DNAH11: variants seen among roughly 807,000 people sequenced by gnomAD.
DNAH11 encodes the protein dynein axonemal heavy chain 11.
DNAH11 carries 442 observed loss-of-function variants against 526.0 expected under a neutral mutation model. The ratio of observed to expected loss-of-function variants is 0.84; its 90% CI spans 0.78 to 0.91. The LOEUF (loss-of-function observed/expected upper bound fraction) is 0.91, where lower values mean the gene tolerates loss of function less well. Among genes scored for constraint, DNAH11 ranks in the 40% least tolerant of loss-of-function variants. The probability of loss-of-function intolerance (pLI) is 0.00; values close to 1 mark genes in which losing one functional copy is unlikely to be tolerated. For synonymous variants in DNAH11, 2,461 were observed against 1,935.9 expected (o/e 1.27, Z -7.12); for missense variants, 6,989 against 5,448.7 (o/e 1.28, Z -8.90).
At position 21,630,560 on chromosome 7, in the gene DNAH11, A is replaced by G. The variant is rs151193977; in HGVS notation, c.4501-5311A>G. Among the ~76,000 whole-genome samples, 1,243 of 152,266 alleles carry G rather than the reference A, an allele frequency of 8.2e-3. 14 individuals are homozygous for G. Among genetic ancestry groups the G allele is most frequent in the African/African-American group, 0.028 (1,147 of 41,556 alleles). ...GGGAAAATACTTCAATCTGTCTCTC[A>G]TATTTGAAGTATAAGTTTGCTGGAC... On this transcript the variant is annotated intron_variant, in intron 25 of 81. Coordinates refer to ENST00000409508, the MANE Select transcript of DNAH11 (RefSeq NM_001277115.2).
chr7:21,638,833 T>G, intron 27 of DNAH11, 106 bp from the exon 28 acceptor site: 9 of 1,315,034 alleles, frequency 6.8e-6, no homozygotes, highest in South Asian at 1.5e-5. Context: ...TGTTAAACAG[T>G]GAGTTTACTA....
At chr7:21,828,483 C>T (rs982848911) in intron 65 of DNAH11, among the ~76,000 whole-genome samples, 1 of 152,046 alleles carries the variant, frequency 6.6e-6, no homozygotes, top group African/African-American at 2.4e-5. Context: ...TAATCTTTAG[C>T]ATTTGCAGAT....
At chr7:21,589,616 A>G (rs111556187) in intron 12 of DNAH11, among the ~76,000 whole-genome samples, 75 of 152,150 alleles carry the variant, frequency 4.9e-4, no homozygotes, top group African/African-American at 1.5e-3. Flanking sequence ...TTGTTTCTTT[A>G]CCACGCCACC....
chr7:21,814,438 G>A (rs10254014), intron 63 of DNAH11, among the ~76,000 whole-genome samples: 62,065 of 145,472 alleles, frequency 0.43, 14,441 homozygotes, highest in East Asian at 0.82. Flanking sequence ...ATACGTATAC[G>A]TGTGCCATGC....
chr7:21,769,900 T>A (rs927828603), intron 55 of DNAH11, among the ~76,000 whole-genome samples: 3 of 152,168 alleles, frequency 2.0e-5, no homozygotes, highest in Non-Finnish European at 2.9e-5. Context: ...TCTAGGAAAT[T>A]GTTGGCTTCT....
rs780571631 is a variant in DNAH11 at position 21,561,161 on chromosome 7, G to A, written c.973G>A (p.Val325Met). The A allele has an allele frequency of 1.9e-6, 3 of 1,588,170 alleles. No homozygotes were observed. The highest frequency in any genetic ancestry group is 2.6e-6 in the Non-Finnish European group (3 of 1,165,760). ...TACTCTGAAGGACATTTTTCTGGCT[G>A]TGGAAAATGGTAAGACTCTTGTTCC... Reference protein sequence around the residue: ...FPTLKDIFLAVENALLEAQDV... With the variant: ...FPTLKDIFLAMENALLEAQDV... The change falls in exon 5 of 82, where the codon GTG becomes ATG. Residue 325 changes from valine (V) to methionine (M), a missense_variant. Coordinates refer to ENST00000409508, the MANE Select transcript of DNAH11 (RefSeq NM_001277115.2).
intron 30 of DNAH11, among the ~76,000 whole-genome samples, chr7:21,673,809 C>T (rs534537319): frequency 4.6e-5 from 7 of 152,238 alleles, no homozygotes; most frequent in African/African-American, 1.7e-4. Context: ...TTCTCATCAC[C>T]ACAACCTATT....
chr7:21,802,709 A>G (rs1038531651), intron 62 of DNAH11, among the ~76,000 whole-genome samples: 19 of 152,054 alleles, frequency 1.2e-4, no homozygotes, highest in Admixed American at 1.2e-3. Context: ...GCCAGACACA[A>G]AAGGCCACAT....
intron 40 of DNAH11, among the ~76,000 whole-genome samples, chr7:21,709,430 A>T (rs77824207): frequency 0.023 from 3,508 of 152,218 alleles, 257 homozygotes; most frequent in East Asian, 0.15. Context: ...TAGAGGTGGG[A>T]GGGAAGGAGA....
chr7:21,643,634 T>C (rs559116695), intron 28 of DNAH11, among the ~76,000 whole-genome samples: 1 of 152,218 alleles, frequency 6.6e-6, no homozygotes, highest in South Asian at 2.1e-4. Flanking sequence ...TGATATTTGA[T>C]TCAGTAATTG....
In DNAH11 at chr7:21,617,875, C is replaced by A. The variant is rs1016740936; in HGVS notation, c.4254+98C>A. 7.1e-6 allele frequency: 9 copies of A among 1,276,590 alleles called. No individual in the cohort carries two copies. In the Admixed American group the frequency reaches 1.4e-4, roughly 20 times the overall value. The allele number at this position is 1,276,590 out of a possible 1,614,324, so 79.1% of individuals were successfully genotyped here. A position where few individuals can be genotyped will look rare whatever the true frequency, so the allele number is the denominator to read the frequency against. ...AGATGAAGTGTAATTTATGAAAAGA[C>A]CCCCCTCAGCATAGCCTCTACTTGC... On this transcript the variant is annotated intron_variant, in intron 23 of 81. Coordinates refer to ENST00000409508, the MANE Select transcript of DNAH11 (RefSeq NM_001277115.2).
At chr7:21,630,082 G>C (rs764465484) in intron 25 of DNAH11, among the ~76,000 whole-genome samples, 1 of 151,570 alleles carries the variant, frequency 6.6e-6, no homozygotes, top group Non-Finnish European at 1.5e-5. Flanking sequence ...ATCCATTACA[G>C]GTTTTTGCAT....
intron 73 of DNAH11, among the ~76,000 whole-genome samples, chr7:21,872,927 T>C (rs1783557074): frequency 6.6e-6 from 1 of 152,220 alleles, no homozygotes; most frequent in African/African-American, 2.4e-5. Flanking sequence ...GTCTCAGTAA[T>C]TGTATTTGAA....
rs116589891 is a variant in DNAH11, at chr7:21,898,755, C to T, written c.13050-581C>T. 5.9e-3 allele frequency among the ~76,000 whole-genome samples: 896 copies of T among 152,300 alleles called. 11 individuals carry two copies. The highest frequency in any genetic ancestry group is 0.021 in the African/African-American group (854 of 41,570). ...GAAGAGAACATGTACGTAACAGCAG[C>T]GTTTCTCAACCCACCGGCGTGCCAT... On this transcript the variant is annotated intron_variant, in intron 79 of 81. Transcript: ENST00000409508.
At chr7:21,757,365 A>T (rs1562528661) in intron 54 of DNAH11, among the ~76,000 whole-genome samples, 1 of 152,056 alleles carries the variant, frequency 6.6e-6, no homozygotes, top group African/African-American at 2.4e-5. Context: ...TTTAAATATT[A>T]TTTTTTTAGG....
chr7:21,890,853 C>T (rs558648919), intron 76 of DNAH11, among the ~76,000 whole-genome samples: 6 of 152,206 alleles, frequency 3.9e-5, no homozygotes, highest in South Asian at 2.1e-4. Context: ...CCATATTCAT[C>T]GGGTCAAGAT....
intron 14 of DNAH11, among the ~76,000 whole-genome samples, chr7:21,592,891 A>G (rs1784738920): frequency 6.6e-6 from 1 of 152,208 alleles, no homozygotes; most frequent in East Asian, 1.9e-4. Context: ...CAGAAAAAAA[A>G]AGGAGGTTTG....
At chr7:21,845,983 G>A (rs1782402189) in intron 66 of DNAH11, among the ~76,000 whole-genome samples, 1 of 152,142 alleles carries the variant, frequency 6.6e-6, no homozygotes, top group South Asian at 2.1e-4. Flanking sequence ...TGTTTCAGTT[G>A]TTTGGTACTA....
intron 30 of DNAH11, 59 bp from the exon 31 acceptor site, chr7:21,681,487 G>A: frequency 2.6e-6 from 4 of 1,535,788 alleles, no homozygotes; most frequent in Non-Finnish European, 3.5e-6. Flanking sequence ...AAGAATTTGG[G>A]GCTCTTAAAT....
Sources: gnomAD v4.1 joint callset for allele counts (sites outside exome capture counted in the v4.1 genomes callset) on GRCh38, gnomAD v4.1.1 for gene constraint, MANE v1.5 for transcripts, NCBI Gene and HGNC (gene_info 2026-07-23, HGNC 2026-07-21) for gene names.